Variants in ST8SIA6 observed in about 807,000 individuals in gnomAD.
ST8SIA6 encodes alpha-2,8-sialyltransferase 8F.
ST8SIA6 carries 39 observed loss-of-function variants against 33.6 expected under a neutral mutation model. The observed-to-expected ratio is 1.16, with a 90% CI of 0.90 to 1.52. ST8SIA6 has a LOEUF of 1.52. Ranked by LOEUF, ST8SIA6 falls within the 40% of genes most tolerant of loss-of-function variation. The pLI, the probability that ST8SIA6 is intolerant of heterozygous loss-of-function variation, is 0.00. For missense variants in ST8SIA6, 441 were observed against 443.8 expected (o/e 0.99, Z 0.06); for synonymous variants, 172 against 167.2 (o/e 1.03, Z -0.22).
At chr10:17,445,094 TA>T (rs2131742910) in intron 2 of ST8SIA6, among the ~76,000 whole-genome samples, 1 of 151,948 alleles carries the variant, frequency 6.6e-6, no homozygotes, top group Admixed American at 6.5e-5. Context: ...GGTAAAAGGG[TA>T]AAAATCAAGT....
intron 3 of ST8SIA6, among the ~76,000 whole-genome samples, chr10:17,369,927 A>G (rs1376971882): frequency 6.6e-6 from 1 of 151,812 alleles, no homozygotes; most frequent in African/African-American, 2.4e-5. Context: ...CTTTGAGTCT[A>G]AAGTGTGTCT....
chr10:17,385,585 A>C (rs554183656), intron 3 of ST8SIA6, among the ~76,000 whole-genome samples: 1 of 152,208 alleles, frequency 6.6e-6, no homozygotes, highest in South Asian at 2.1e-4. Flanking sequence ...CAGGGGTCAC[A>C]AGGTGCTTGG....
intron 2 of ST8SIA6, among the ~76,000 whole-genome samples, chr10:17,418,132 C>T (rs530411989): frequency 6.6e-6 from 1 of 152,204 alleles, no homozygotes; most frequent in African/African-American, 2.4e-5. Flanking sequence ...GATCAAAGCT[C>T]ACTGCAGCCT....
intron 7 of ST8SIA6, 25 bp from the exon 8 acceptor site, chr10:17,321,371 G>C: frequency 2.6e-6 from 4 of 1,537,812 alleles, no homozygotes; most frequent in Non-Finnish European, 3.5e-6. Flanking sequence ...AAAAATTATA[G>C]TAATCCCAAG....
At chr10:17,356,062 T>G (rs1849179206) in intron 4 of ST8SIA6, among the ~76,000 whole-genome samples, 2 of 152,238 alleles carry the variant, frequency 1.3e-5, no homozygotes, top group Admixed American at 6.5e-5. Flanking sequence ...CATTCTGATA[T>G]TCAATCATAA....
chr10:17,338,028 ATTCTTTT>A lies in ST8SIA6; in HGVS notation c.378-6483_378-6477del, dbSNP rs1848560381. 3.2e-5 allele frequency among the ~76,000 whole-genome samples: 3 copies of A among 95,076 alleles called. No homozygotes were observed. In the Admixed American group the frequency reaches 4.6e-4, roughly 15 times the overall value. The allele number at this position is 95,076 out of a possible 152,430, so 62.4% of individuals were successfully genotyped here. On this transcript the variant is annotated intron_variant, in intron 4 of 7. Coordinates refer to ENST00000377602, the MANE Select transcript of ST8SIA6 (RefSeq NM_001004470.3). ...AGCACACAAGGAGGCAGAAAATACT[ATTCTTTT>A]TTTTTTTTTTTTTTTTGAGACGGAG...
chr10:17,335,423 T>C (rs1318143749), intron 4 of ST8SIA6, among the ~76,000 whole-genome samples: 1 of 152,222 alleles, frequency 6.6e-6, no homozygotes, highest in Non-Finnish European at 1.5e-5. Context: ...TTTGTCAAGG[T>C]CATCTAAAAT....
chr10:17,427,508 G>A lies in ST8SIA6; in HGVS notation c.200+26051C>T, dbSNP rs560879206. On this transcript the variant is annotated intron_variant, in intron 2 of 7. Coordinates refer to ENST00000377602, the MANE Select transcript of ST8SIA6 (RefSeq NM_001004470.3). ...TCCAGAAGAGGCCTCTTCAAAGTGC[G>A]CTGCACCATCACAGCATGAGCCGAA... 2.4e-3 allele frequency among the ~76,000 whole-genome samples: 360 copies of A among 152,312 alleles called. 1 individual carries two copies. Among genetic ancestry groups the A allele is most frequent in the African/African-American group, 8.3e-3 (347 of 41,566 alleles).
At chr10:17,335,835 C>T (rs368360315) in intron 4 of ST8SIA6, among the ~76,000 whole-genome samples, 48 of 152,254 alleles carry the variant, frequency 3.2e-4, no homozygotes, top group East Asian at 1.3e-3. Context: ...ATAATAAATT[C>T]TCATTTACCT....
chr10:17,453,515 G>A, intron 2 of ST8SIA6, 44 bp downstream of exon 2: 2 of 1,260,238 alleles, frequency 1.6e-6, no homozygotes, highest in Non-Finnish European at 1.0e-6. Context: ...TGCCCGGCTC[G>A]CAGCTCCCGA....
At chr10:17,395,097 G>T (rs769067439) in intron 2 of ST8SIA6, among the ~76,000 whole-genome samples, 1 of 152,128 alleles carries the variant, frequency 6.6e-6, no homozygotes, top group South Asian at 2.1e-4. Flanking sequence ...CCCCCATACT[G>T]TTCTCATGGT....
At chr10:17,430,462 C>A (rs187770789) in intron 2 of ST8SIA6, among the ~76,000 whole-genome samples, 1 of 152,168 alleles carries the variant, frequency 6.6e-6, no homozygotes, top group African/African-American at 2.4e-5. Flanking sequence ...GGAATCTTCA[C>A]GCTGTTTTCC....
At position 17,320,952 on chromosome 10, in the gene ST8SIA6, C is replaced by A; in HGVS notation, c.1123G>T (p.Glu375Ter). 1 of 1,614,044 alleles carries A rather than the reference C, an allele frequency of 6.2e-7. No homozygotes were observed. The highest frequency in any genetic ancestry group is 1.7e-5 in the Admixed American group (1 of 60,000). Residue 375 changes from glutamate (E) to a stop codon, truncating the protein, a stop_gained, in exon 8 of 8, where the codon GAA (glutamate) becomes TAA (stop). Transcript: ENST00000377602. LOFTEE classifies it high-confidence loss of function. ...TGAAGTTGGAGGATCTGGCTGTATT[C>A]TTTGGGCATCTGATGGAAACCATGT... ...PKHGFHQMPKEYSQILQLHMK... is the reference protein window; with the variant it reads ...PKHGFHQMPK
At chr10:17,358,952 A>G (rs932877) in intron 4 of ST8SIA6, among the ~76,000 whole-genome samples, 57,097 of 151,956 alleles carry the variant, frequency 0.38, 10,986 homozygotes, top group East Asian at 0.6. Context: ...CTTTAACAAA[A>G]TTTATTCCTG....
At chr10:17,364,347 T>C (rs376068791) in intron 3 of ST8SIA6, among the ~76,000 whole-genome samples, 1 of 152,312 alleles carries the variant, frequency 6.6e-6, no homozygotes. Flanking sequence ...TAAAATGGCC[T>C]TTGACTTTAT....
intron 4 of ST8SIA6, among the ~76,000 whole-genome samples, chr10:17,349,525 T>C (rs1419100649): frequency 6.6e-6 from 1 of 152,222 alleles, no homozygotes; most frequent in African/African-American, 2.4e-5. Flanking sequence ...TCACAGAGGT[T>C]AAGTATTGCT....
chr10:17,443,007 T>C (rs1476697659), intron 2 of ST8SIA6, among the ~76,000 whole-genome samples: 1 of 152,200 alleles, frequency 6.6e-6, no homozygotes, highest in Admixed American at 6.5e-5. Flanking sequence ...TACAATCTAT[T>C]GCATGTATAA....
intron 2 of ST8SIA6, among the ~76,000 whole-genome samples, chr10:17,453,086 G>GA (rs1327929428): frequency 6.6e-6 from 1 of 151,370 alleles, no homozygotes; most frequent in Admixed American, 6.6e-5. Flanking sequence ...TGAATGATAA[G>GA]AAAAAAAATT....
rs58722684 is a variant in ST8SIA6, at chr10:17,318,215, CT to C, written c.*2662del. Among the ~76,000 whole-genome samples, 8,266 of 147,372 alleles carry C rather than the reference CT, an allele frequency of 0.056. 540 individuals carry two copies. Among genetic ancestry groups the C allele is most frequent in the African/African-American group, 0.15 (6,243 of 40,490 alleles). ...AGCTAGAATCCTAACTAAAGGGCTA[CT>C]TTTTTTTTTTCTTTTTTGAGACAGG... On this transcript the variant is annotated 3_prime_UTR_variant, in exon 8 of 8. Transcript: ENST00000377602.
Sources: allele counts gnomAD v4.1 joint callset (sites outside exome capture counted in the v4.1 genomes callset), GRCh38; gene constraint gnomAD v4.1.1; transcripts MANE v1.5; gene names NCBI Gene and HGNC (gene_info 2026-07-23, HGNC 2026-07-21).